The following EPHA5 variants were observed in gnomAD, a reference collection of about 807,000 sequenced individuals.
The protein encoded by EPHA5 is ephrin type-A receptor 5.
A neutral mutation model predicts 105.0 loss-of-function variants in EPHA5; 60 were observed. The ratio of observed to expected loss-of-function variants is 0.57; its 90% confidence interval spans 0.46 to 0.71. The LOEUF is 0.71. EPHA5 is among the 30% of genes least tolerant of loss of function. The pLI, the probability that EPHA5 is intolerant of heterozygous loss-of-function variation, is 0.00. For missense variants in EPHA5, 1,218 were observed against 1,274.7 expected (o/e 0.96, Z 0.68); for synonymous variants, 513 against 449.1 (o/e 1.14, Z -1.80).
intron 14 of EPHA5, among the ~76,000 whole-genome samples, chr4:65,339,618 G>A (rs373611262): frequency 1.3e-5 from 2 of 152,180 alleles, no homozygotes; most frequent in Admixed American, 6.5e-5. Context: ...TGAAATAAAT[G>A]TGAGCTATAC....
chr4:65,330,961 C>A, intron 16 of EPHA5: 1 of 1,043,768 alleles, frequency 9.6e-7, no homozygotes, highest in Non-Finnish European at 1.2e-6. Flanking sequence ...AATGGTGGTA[C>A]CCTGTTACCT....
At chr4:65,612,016 C>CAAAAA (rs1167342911) in intron 2 of EPHA5, among the ~76,000 whole-genome samples, 8 of 58,078 alleles carry the variant, frequency 1.4e-4, no homozygotes, top group African/African-American at 4.2e-4. Context: ...GACCCTCTCT[C>CAAAAA]AAAAAAAAAA....
chr4:65,336,781 T>C (rs918740010), intron 14 of EPHA5, among the ~76,000 whole-genome samples: 2 of 152,126 alleles, frequency 1.3e-5, no homozygotes, highest in Admixed American at 1.3e-4. Context: ...ATCAGCCTAA[T>C]TGTGAGGTCA....
intron 3 of EPHA5, among the ~76,000 whole-genome samples, chr4:65,533,363 C>T (rs1736002776): frequency 6.6e-6 from 1 of 151,850 alleles, no homozygotes; most frequent in Non-Finnish European, 1.5e-5. Flanking sequence ...ATAAGCTAGG[C>T]AGGATAAATA....
At chr4:65,447,067 A>C (rs1726616724) in intron 5 of EPHA5, among the ~76,000 whole-genome samples, 1 of 148,464 alleles carries the variant, frequency 6.7e-6, no homozygotes, top group African/African-American at 2.5e-5. Context: ...GCTCACTGTA[A>C]CCCTGAACTC....
At chr4:65,370,348 TAG>T (rs1397790847) in intron 8 of EPHA5, among the ~76,000 whole-genome samples, 1 of 152,164 alleles carries the variant, frequency 6.6e-6, no homozygotes, top group African/African-American at 2.4e-5. Context: ...TATGTGCCTC[TAG>T]AGAGAACAGT....
intron 3 of EPHA5, among the ~76,000 whole-genome samples, chr4:65,524,435 C>T (rs1490319166): frequency 6.6e-6 from 1 of 151,788 alleles, no homozygotes; most frequent in Middle Eastern, 3.2e-3. Flanking sequence ...TGTACATTTA[C>T]ATACCAACTT....
chr4:65,625,241 T>C (rs1332196590), intron 2 of EPHA5, among the ~76,000 whole-genome samples: 1 of 152,116 alleles, frequency 6.6e-6, no homozygotes, highest in East Asian at 1.9e-4. Flanking sequence ...ACTGAGATAA[T>C]AGAAGAGAAC....
At chr4:65,362,632 A>G (rs1717434972) in intron 11 of EPHA5, among the ~76,000 whole-genome samples, 1 of 151,576 alleles carries the variant, frequency 6.6e-6, no homozygotes, top group African/African-American at 2.4e-5. Flanking sequence ...AACATTTTTT[A>G]GAATAGAATT....
At chr4:65,416,561 A>C (rs1723403675) in intron 6 of EPHA5, among the ~76,000 whole-genome samples, 1 of 152,182 alleles carries the variant, frequency 6.6e-6, no homozygotes, top group Non-Finnish European at 1.5e-5. Flanking sequence ...CAATGAATAC[A>C]TTTTGTAAAA....
chr4:65,592,208 T>C (rs1742732499), intron 3 of EPHA5, among the ~76,000 whole-genome samples: 1 of 152,190 alleles, frequency 6.6e-6, no homozygotes. Flanking sequence ...GTTCCTGTTA[T>C]GTTTTGTTTT....
intron 16 of EPHA5, among the ~76,000 whole-genome samples, chr4:65,326,051 T>G (rs1443175953): frequency 2.7e-5 from 4 of 148,266 alleles, no homozygotes; most frequent in Admixed American, 1.4e-4. Flanking sequence ...TGTATATATA[T>G]GTATATATAT....
intron 11 of EPHA5, among the ~76,000 whole-genome samples, chr4:65,356,539 G>A (rs182136449): frequency 6.6e-6 from 1 of 151,626 alleles, no homozygotes; most frequent in East Asian, 1.9e-4. Flanking sequence ...TTTTCAGCTA[G>A]TGTCATCTAA....
At chr4:65,478,585 C>A (rs1308652896) in intron 5 of EPHA5, among the ~76,000 whole-genome samples, 1 of 152,076 alleles carries the variant, frequency 6.6e-6, no homozygotes, top group Non-Finnish European at 1.5e-5. Context: ...GATTCTCATG[C>A]CTCAGCCTCC....
intron 2 of EPHA5, among the ~76,000 whole-genome samples, chr4:65,615,356 A>G (rs945321290): frequency 4.6e-5 from 7 of 151,906 alleles, no homozygotes; most frequent in African/African-American, 1.7e-4. Flanking sequence ...ATACTTGAAC[A>G]TGATAAAAGC....
rs374393697 is a variant in EPHA5 at position 65,365,085 on chromosome 4, C to A, written c.2105G>T (p.Gly702Val). The A allele has an allele frequency of 6.2e-7, 1 of 1,611,854 alleles. No individual in the cohort carries two copies. Among genetic ancestry groups the A allele is most frequent in the Non-Finnish European group, 8.5e-7 (1 of 1,178,502 alleles). The change falls in exon 11 of 17, where the codon GGT becomes GTT. Residue 702 changes from glycine to valine, a missense_variant. Physicochemically the swap from Gly to Val is moderately radical, Grantham distance 109. Transcript: ENST00000613740. ...YTEKQRRDFL[G>V]EASIMGQFDH... ...AAACTGTCCCATGATACTTGCTTCA[C>A]CTAGGAAATCTCTGCGTTGCTTTTC...
chr4:65,370,454 T>C (rs1231127941), intron 8 of EPHA5, among the ~76,000 whole-genome samples: 1 of 152,164 alleles, frequency 6.6e-6, no homozygotes. Context: ...AAAACAACTT[T>C]GTTAGACGAA....
At chr4:65,448,000 T>C (rs1172610766) in intron 5 of EPHA5, among the ~76,000 whole-genome samples, 13 of 152,174 alleles carry the variant, frequency 8.5e-5, no homozygotes, top group South Asian at 4.1e-4. Context: ...GTGATAGATA[T>C]AACTGCATAT....
chr4:65,639,098 A>T lies in EPHA5; in HGVS notation c.246+4265T>A, dbSNP rs142642338. On this transcript the variant is annotated intron_variant, in intron 2 of 16. Coordinates refer to ENST00000613740, the MANE Select transcript of EPHA5 (RefSeq NM_001281766.3). ...AACTCTTGTAAAATTAACTGTTGTT[A>T]CTTAAAACACATTTTTCAAACTTGA... is the stretch of plus-strand genomic sequence containing the variant. Among the ~76,000 whole-genome samples the T allele has an allele frequency of 2.0e-5, 3 of 152,360 alleles. No homozygotes were observed. In the East Asian group the frequency reaches 5.8e-4, roughly 29 times the overall value.
Sources: gnomAD v4.1 joint callset for allele counts (sites outside exome capture counted in the v4.1 genomes callset) on GRCh38, gnomAD v4.1.1 for gene constraint, MANE v1.5 for transcripts, NCBI Gene and HGNC (gene_info 2026-07-23, HGNC 2026-07-21) for gene names.